Variants in VAMP4 observed in about 807,000 individuals in gnomAD.
The protein encoded by VAMP4 is vesicle-associated membrane protein 4.
A neutral mutation model predicts 23.5 loss-of-function variants in VAMP4; 19 were observed. That is an observed-to-expected ratio of 0.81 (90% CI 0.56 to 1.19). VAMP4 has a LOEUF of 1.19. VAMP4 is among the 50% of genes most tolerant of loss of function. VAMP4 has a pLI of 0.00. For missense variants in VAMP4, 145 were observed against 168.6 expected (o/e 0.86, Z 0.78); for synonymous variants, 31 against 51.0 (o/e 0.61, Z 1.67).
intron 4 of VAMP4, among the ~76,000 whole-genome samples, chr1:171,718,418 G>C (rs755064763): frequency 2.6e-5 from 4 of 152,102 alleles, no homozygotes; most frequent in Non-Finnish European, 4.4e-5. Context: ...AGCTTGGTCA[G>C]TTTCCAGAGC....
chr1:171,729,052 C>T (rs757343174), intron 2 of VAMP4, among the ~76,000 whole-genome samples: 1 of 152,156 alleles, frequency 6.6e-6, no homozygotes, highest in Non-Finnish European at 1.5e-5. Context: ...TACCCACAAA[C>T]AGCCCCCTAA....
At chr1:171,726,113 G>A (rs918734052) in intron 3 of VAMP4, among the ~76,000 whole-genome samples, 1 of 152,058 alleles carries the variant, frequency 6.6e-6, no homozygotes, top group Non-Finnish European at 1.5e-5. Flanking sequence ...GTGCAGTGGT[G>A]CAATCTTGGC....
intron 2 of VAMP4, among the ~76,000 whole-genome samples, chr1:171,731,722 A>G (rs1655573140): frequency 6.6e-6 from 1 of 152,232 alleles, no homozygotes; most frequent in African/African-American, 2.4e-5. Flanking sequence ...TTAGGGTTCA[A>G]AAAAATTCTA....
At position 171,738,415 on chromosome 1, in the gene VAMP4, A is replaced by G; in HGVS notation, c.-1T>C. The G allele has an allele frequency of 6.2e-7, 1 of 1,614,082 alleles. No individual in the cohort carries two copies. The highest frequency in any genetic ancestry group is 8.5e-7 in the Non-Finnish European group (1 of 1,179,992). The stretch of plus-strand genomic sequence containing the variant: ...GGTGGCGCTTAAACTTGGGAGGCAT[A>G]TTTTTTACTTGCAAAGTATCTTTTG... On this transcript the variant is annotated 5_prime_UTR_variant, in exon 2 of 8. Coordinates refer to ENST00000236192, the MANE Select transcript of VAMP4 (RefSeq NM_003762.5).
intron 6 of VAMP4, among the ~76,000 whole-genome samples, chr1:171,707,917 T>C (rs1407095089): frequency 6.6e-6 from 1 of 152,020 alleles, no homozygotes; most frequent in Non-Finnish European, 1.5e-5. Flanking sequence ...ATGAATAGGG[T>C]ACATGAGTTT....
intron 4 of VAMP4, among the ~76,000 whole-genome samples, chr1:171,717,564 T>C (rs536165169): frequency 1.3e-5 from 2 of 152,192 alleles, no homozygotes; most frequent in Admixed American, 6.5e-5. Flanking sequence ...AGCCTAGAAA[T>C]AGCTCCTTTG....
At chr1:171,729,600 T>C (rs1303968903) in intron 2 of VAMP4, among the ~76,000 whole-genome samples, 1 of 152,210 alleles carries the variant, frequency 6.6e-6, no homozygotes, top group East Asian at 1.9e-4. Flanking sequence ...ACTGTACCAC[T>C]TGCTATAGGC....
intron 4 of VAMP4, 33 bp downstream of exon 4, chr1:171,719,138 T>C (rs755043193): frequency 4.4e-6 from 7 of 1,597,748 alleles, no homozygotes; most frequent in Non-Finnish European, 6.0e-6. Flanking sequence ...CACAGAAATA[T>C]GATTATCATT....
intron 7 of VAMP4, among the ~76,000 whole-genome samples, chr1:171,705,850 C>T (rs1016908071): frequency 1.3e-5 from 2 of 151,636 alleles, no homozygotes; most frequent in Non-Finnish European, 2.9e-5. Context: ...GGAAAAAGGA[C>T]GGGAAGGAGT....
At chr1:171,729,797 C>T (rs897227538) in intron 2 of VAMP4, among the ~76,000 whole-genome samples, 21 of 152,176 alleles carry the variant, frequency 1.4e-4, no homozygotes, top group Non-Finnish European at 2.9e-4. Context: ...GTAGCTGGGA[C>T]TACAGGCGCA....
chr1:171,706,260 T>C (rs1654647172), intron 7 of VAMP4, 107 bp downstream of exon 7: 2 of 1,049,006 alleles, frequency 1.9e-6, no homozygotes, highest in Non-Finnish European at 1.4e-6. Context: ...GAAGTCATTA[T>C]TCAATCCTGA....
chr1:171,715,618 A>G (rs1185140257), intron 4 of VAMP4, among the ~76,000 whole-genome samples: 2 of 152,244 alleles, frequency 1.3e-5, no homozygotes, highest in Non-Finnish European at 2.9e-5. Flanking sequence ...TCAAACACTT[A>G]GCATAGTGCC....
At chr1:171,709,631 G>T in intron 6 of VAMP4, 34 bp downstream of exon 6, 1 of 1,599,264 alleles carries the variant, frequency 6.3e-7, no homozygotes, top group South Asian at 1.1e-5. Context: ...TTCAGATGCT[G>T]ACCAGTCTAT....
intron 4 of VAMP4, among the ~76,000 whole-genome samples, chr1:171,711,695 T>C (rs555549336): frequency 6.6e-6 from 1 of 152,264 alleles, no homozygotes; most frequent in African/African-American, 2.4e-5. Context: ...AAAATTATTT[T>C]AAATTACTTT....
intron 7 of VAMP4, among the ~76,000 whole-genome samples, chr1:171,705,574 C>T (rs1654622664): frequency 6.6e-6 from 1 of 152,012 alleles, no homozygotes; most frequent in South Asian, 2.1e-4. Flanking sequence ...GTGAAAGCAC[C>T]ATGAGTACTG....
At chr1:171,732,600 G>A (rs1347808067) in intron 2 of VAMP4, among the ~76,000 whole-genome samples, 1 of 151,974 alleles carries the variant, frequency 6.6e-6, no homozygotes, top group Non-Finnish European at 1.5e-5. Context: ...TGTAAATAAA[G>A]GTGATTAGAC....
rs370600811 is a variant in VAMP4 at position 171,714,642 on chromosome 1, T to G, written c.165-3828A>C. Among the ~76,000 whole-genome samples, 38 of 152,176 alleles carry G rather than the reference T, an allele frequency of 2.5e-4. 1 individual carries two copies. The East Asian group carries it at 7.0e-3, about 28-fold the overall frequency. On this transcript the variant is annotated intron_variant, in intron 4 of 7. Transcript: ENST00000236192. Reference sequence around the variant, plus strand: ...CAAAAATTAGCCGAGCATGGTGGTGTGCACCTGTAGTCTCAGCTGCTCAGG... The same window carrying G: ...CAAAAATTAGCCGAGCATGGTGGTGGGCACCTGTAGTCTCAGCTGCTCAGG...
intron 2 of VAMP4, among the ~76,000 whole-genome samples, chr1:171,734,897 CTTAT>C (rs1442447216): frequency 1.3e-5 from 2 of 151,942 alleles, no homozygotes; most frequent in Non-Finnish European, 2.9e-5. Flanking sequence ...ATTCATAAAG[CTTAT>C]TTATTTGTAT....
chr1:171,739,289 C>T (rs1655846488), intron 1 of VAMP4, among the ~76,000 whole-genome samples: 1 of 152,152 alleles, frequency 6.6e-6, no homozygotes, highest in South Asian at 2.1e-4. Context: ...CTAAGGAAGA[C>T]TCCATAAAAC....
Sources: gnomAD v4.1 joint callset for allele counts (sites outside exome capture counted in the v4.1 genomes callset) on GRCh38, gnomAD v4.1.1 for gene constraint, MANE v1.5 for transcripts, NCBI Gene and HGNC (gene_info 2026-07-23, HGNC 2026-07-21) for gene names.